COL9A2: variants seen among roughly 807,000 people sequenced by gnomAD.
COL9A2 encodes collagen type IX alpha 2 chain, also known as collagen alpha-2(IX) chain.
A neutral mutation model predicts 111.6 loss-of-function variants in COL9A2; 66 were observed. That is an observed-to-expected ratio of 0.59 (90% CI 0.48 to 0.73). COL9A2 has a LOEUF of 0.73. Among genes scored for constraint, COL9A2 ranks in the 30% least tolerant of loss-of-function variants. The pLI is 0.00. For missense variants in COL9A2, 881 were observed against 954.1 expected (o/e 0.92, Z 1.01); for synonymous variants, 353 against 364.1 (o/e 0.97, Z 0.35).
intron 16 of COL9A2, 107 bp downstream of exon 16, chr1:40,309,827 ACACT>A (rs1557800243): frequency 3.9e-6 from 4 of 1,023,764 alleles, no homozygotes; most frequent in African/African-American, 1.6e-5. Context: ...CTACACATTC[ACACT>A]CACGCACACA....
Position 40,302,820 on chromosome 1 carries a change from G to T in COL9A2, c.1604-11C>A. On this transcript the variant is annotated splice_polypyrimidine_tract_variant and intron_variant, in intron 29 of 31. Transcript: ENST00000372748. The surrounding 1 kb of genome is among the most constrained non-coding windows in gnomAD (Gnocchi z 4.5). ...CCTCTGCCAGTTGCTCTGGAGGGAG[G>T]GAGGGAGGGAGGGAGAGGGAAGTCT... 1 of 1,523,360 alleles carries T rather than the reference G, an allele frequency of 6.6e-7. No homozygotes were observed. Among genetic ancestry groups the T allele is most frequent in the Non-Finnish European group, 8.8e-7 (1 of 1,137,464 alleles). The allele number at this position is 1,523,360 out of a possible 1,614,324, so 94.4% of individuals were successfully genotyped here.
Position 40,304,335 on chromosome 1 carries a change from G to T in COL9A2, c.1272C>A (p.Gly424=), listed in dbSNP as rs777698591. 1.9e-6 allele frequency: 3 copies of T among 1,566,120 alleles called. No individual in the cohort carries two copies. The highest frequency in any genetic ancestry group is 1.9e-5 in the Admixed American group (1 of 52,592). The change falls in exon 24 of 32, where the codon GGC becomes GGA. Residue 424 remains glycine, a synonymous_variant. Coordinates refer to ENST00000372748, the MANE Select transcript of COL9A2 (RefSeq NM_001852.4). ...PGIPGPQGLP[G]VKGDKGSPGK... is the part of the protein sequence containing the mutation. ...CATCTGGCACCTTGTCTCCTTTGAC[G>T]CCTGGCAAGCCTTGGGGCCCTGGAA... is the stretch of plus-strand genomic sequence containing the variant.
chr1:40,305,687 C>A (rs769340683), intron 21 of COL9A2, 28 bp downstream of exon 21: 6 of 1,611,666 alleles, frequency 3.7e-6, no homozygotes, highest in Non-Finnish European at 5.1e-6. Context: ...AAAGCAGGAA[C>A]CCTTGTGTCA....
At position 40,307,607 on chromosome 1, in the gene COL9A2, A is replaced by G; in HGVS notation, c.954+96T>C. The G allele has an allele frequency of 6.3e-7, 1 of 1,584,452 alleles. No homozygotes were observed. Among genetic ancestry groups the G allele is most frequent in the East Asian group, 2.3e-5 (1 of 44,404 alleles). On this transcript the variant is annotated intron_variant, in intron 18 of 31. Coordinates refer to ENST00000372748, the MANE Select transcript of COL9A2 (RefSeq NM_001852.4). This position sits in a 1 kb window ranked among gnomAD's most constrained non-coding sequence, Gnocchi z 4.8. The stretch of plus-strand genomic sequence containing the variant: ...CTGAGATCCAGAGGCAAGAAAGGGC[A>G]TGTCCATGACCTGAGGACCCCAGGC...
intron 16 of COL9A2, among the ~76,000 whole-genome samples, chr1:40,309,165 A>G (rs377703593): frequency 6.6e-6 from 1 of 152,012 alleles, no homozygotes; most frequent in Non-Finnish European, 1.5e-5. Flanking sequence ...CTCTTGAACC[A>G]GGGAGGCGGA....
At position 40,304,349 on chromosome 1, in the gene COL9A2, G is replaced by A; in HGVS notation, c.1258C>T (p.Gln420Ter). The change falls in exon 24 of 32, where the codon CAA becomes TAA. Residue 420 changes from glutamine (Q) to a stop codon, truncating the protein, a stop_gained. Coordinates refer to ENST00000372748, the MANE Select transcript of COL9A2 (RefSeq NM_001852.4). LOFTEE classifies it high-confidence loss of function. ...EQGPPGIPGPQGLPGVKGDKG... is the reference protein window; with the variant it reads ...EQGPPGIPGP ...TCTCCTTTGACGCCTGGCAAGCCTT[G>A]GGGCCCTGGAATTCCGGGGGGGCCC... 6.3e-7 allele frequency: 1 copy of A among 1,575,180 alleles called. No homozygotes were observed. Among genetic ancestry groups the A allele is most frequent in the Non-Finnish European group, 8.6e-7 (1 of 1,159,450 alleles).
intron 2 of COL9A2, chr1:40,315,356 C>A: frequency 7.4e-7 from 1 of 1,355,566 alleles, no homozygotes. Context: ...GGCCGGCGGA[C>A]TGAACAGCAG....
chr1:40,305,049 A>ATTTC (rs201176527), intron 21 of COL9A2: 15 of 360,552 alleles, frequency 4.2e-5, no homozygotes, highest in Non-Finnish European at 3.9e-5. Flanking sequence ...TCATGTGATC[A>ATTTC]TTTCTTTCTT....
Position 40,303,749 on chromosome 1 carries a change from T to A in COL9A2, c.1401+58A>T. ...GGTGGGCGAGAGTGGGGGGTGGGGG[T>A]CGAGGAAGGGAGTGGCCGCCCAGGA... On this transcript the variant is annotated intron_variant, in intron 27 of 31. Transcript: ENST00000372748. This position sits in a 1 kb window ranked among gnomAD's most constrained non-coding sequence, Gnocchi z 4.6. 1 of 1,460,202 alleles carries A rather than the reference T, an allele frequency of 6.8e-7. No individual in the cohort carries two copies. The highest frequency in any genetic ancestry group is 1.8e-5 in the African/African-American group (1 of 56,438). 90.5% of individuals were successfully genotyped at this position (1,460,202 alleles called of 1,614,324 possible).
Position 40,312,090 on chromosome 1 carries a change from A to G in COL9A2, c.386T>C (p.Leu129Pro). The G allele has an allele frequency of 6.2e-7, 1 of 1,602,454 alleles. No individual in the cohort carries two copies. The highest frequency in any genetic ancestry group is 8.5e-7 in the Non-Finnish European group (1 of 1,176,188). ...GPPGPPGPVGLPGEIGIRGPK... is the reference protein window; with the variant it reads ...GPPGPPGPVGPPGEIGIRGPK... ...GCCTCGGATTCCAATCTCACCAGGGAGGCCAACAGGTCCAGGAGGCCCCTG... is the reference window on the plus strand; with the variant it reads ...GCCTCGGATTCCAATCTCACCAGGGGGGCCAACAGGTCCAGGAGGCCCCTG... Residue 129 changes from leucine (L) to proline (P), a missense_variant, in exon 8 of 32, where the codon CTC becomes CCC. Transcript: ENST00000372748. The surrounding 1 kb of genome is among the most constrained non-coding windows in gnomAD (Gnocchi z 6.0).
In COL9A2 at chr1:40,305,724, AG is replaced by A. The variant is rs2124062673; in HGVS notation, c.1097del (p.Pro366LeufsTer165). ...PQGLPGFSGP[P>X]GKEGEPGPRG... is the part of the protein sequence containing the mutation. Reference sequence around the variant, plus strand: ...TGCAGGGGGCATTTACCTCTTTCCCAGGGGGACCAGAGAATCCAGGAAGGCC... The same window carrying A: ...TGCAGGGGGCATTTACCTCTTTCCCAGGGGACCAGAGAATCCAGGAAGGCC... On this transcript the variant is annotated frameshift_variant, in exon 21 of 32. Coordinates refer to ENST00000372748, the MANE Select transcript of COL9A2 (RefSeq NM_001852.4). LOFTEE classifies it high-confidence loss of function. 6.2e-7 allele frequency: 1 copy of A among 1,614,026 alleles called. No homozygotes were observed. Among genetic ancestry groups the A allele is most frequent in the Non-Finnish European group, 8.5e-7 (1 of 1,179,942 alleles).
intron 16 of COL9A2, among the ~76,000 whole-genome samples, chr1:40,308,749 A>G (rs1644069931): frequency 6.6e-6 from 1 of 152,208 alleles, no homozygotes; most frequent in African/African-American, 2.4e-5. Context: ...AAAAGTATCT[A>G]GGGCTGAGAT....
Position 40,315,598 on chromosome 1 carries a change from C to T in COL9A2, c.142G>A (p.Gly48Ser). The T allele has an allele frequency of 5.8e-6, 9 of 1,552,478 alleles. No homozygotes were observed. The highest frequency in any genetic ancestry group is 7.0e-6 in the Non-Finnish European group (8 of 1,147,204). Residue 48 changes from glycine to serine, a missense_variant, in exon 2 of 32, where the codon GGC becomes AGC. Coordinates refer to ENST00000372748, the MANE Select transcript of COL9A2 (RefSeq NM_001852.4). ...PGPPGVPGSD[G>S]IDGDNGPPGK... ...TCAGGTTAGAGACTTACGTCGATGC[C>T]GTCGGATCCAGGCACTCCCGGCGGT...
At chr1:40,309,600 GGTCCTC>G (rs201857590) in intron 16 of COL9A2, among the ~76,000 whole-genome samples, 16,438 of 151,748 alleles carry the variant, frequency 0.11, 1,649 homozygotes, top group African/African-American at 0.26. Context: ...TGGCACAGAT[GGTCCTC>G]CCCAGCAGGT....
At chr1:40,313,122 A>G (rs1304161774) in intron 4 of COL9A2, among the ~76,000 whole-genome samples, 1 of 152,000 alleles carries the variant, frequency 6.6e-6, no homozygotes, top group Non-Finnish European at 1.5e-5. Context: ...TACCTTGACA[A>G]CTTTTTCATT....
At chr1:40,301,992 G>T in intron 30 of COL9A2, 103 bp from the exon 31 acceptor site, 1 of 1,199,096 alleles carries the variant, frequency 8.3e-7, no homozygotes, top group Non-Finnish European at 1.2e-6. Flanking sequence ...TTTTGTGCTA[G>T]TTTGTAATAG....
chr1:40,306,184 C>T lies in COL9A2; in HGVS notation c.1012G>A (p.Val338Met), dbSNP rs1340601841. The T allele has an allele frequency of 1.2e-6, 2 of 1,614,238 alleles. No individual in the cohort carries two copies. Among genetic ancestry groups the T allele is most frequent in the Non-Finnish European group, 1.7e-6 (2 of 1,180,050 alleles). Residue 338 changes from valine to methionine, a missense_variant, in exon 20 of 32, where the codon GTG becomes ATG. Physicochemically the swap from Val to Met is conservative, Grantham distance 21 (BLOSUM62 1). Transcript: ENST00000372748. ...GSPGHQGLAG[V>M]PGQPGTKGGP... ...CCTTTTGTCCCAGGCTGGCCTGGCA[C>T]ACCCTGCAGAAAGAAGTTGAAGTCA...
intron 17 of COL9A2, 63 bp downstream of exon 17, chr1:40,308,129 G>C (rs138395701): frequency 6.6e-7 from 1 of 1,522,908 alleles, no homozygotes; most frequent in East Asian, 2.2e-5. Context: ...CTCTTCTGGG[G>C]GTTTGGACAA....
Position 40,316,012 on chromosome 1 carries a change from G to A in COL9A2, c.76-348C>T, listed in dbSNP as rs1325439759. ...CACTGTGCCAGTTTGCCCTTGCGCG[G>A]TCGCGGTGGGGAATAGATGGAGACG... On this transcript the variant is annotated intron_variant, in intron 1 of 31. Coordinates refer to ENST00000372748, the MANE Select transcript of COL9A2 (RefSeq NM_001852.4). This position sits in a 1 kb window ranked among gnomAD's most constrained non-coding sequence, Gnocchi z 5.5. 5 of 256,538 alleles carry A rather than the reference G, an allele frequency of 1.9e-5. No individual in the cohort carries two copies. Among genetic ancestry groups the A allele is most frequent in the Non-Finnish European group, 3.7e-5 (5 of 134,144 alleles). 15.9% of individuals were successfully genotyped at this position (256,538 alleles called of 1,614,324 possible).
Sources: gnomAD v4.1 joint callset for allele counts (sites outside exome capture counted in the v4.1 genomes callset) on GRCh38, gnomAD v4.1.1 for gene constraint, Gnocchi (gnomAD v3.1) non-coding constraint, MANE v1.5 for transcripts, NCBI Gene and HGNC (gene_info 2026-07-23, HGNC 2026-07-21) for gene names.